PRKCH: variants seen among roughly 807,000 people sequenced by gnomAD.
PRKCH encodes protein kinase C eta, also known as protein kinase C eta type.
Under a neutral mutation model 82.5 loss-of-function variants are expected in PRKCH, and 28 were observed. That is an observed-to-expected ratio of 0.34 (90% confidence interval 0.25 to 0.47). The LOEUF (loss-of-function observed/expected upper bound fraction) is 0.47, where lower values mean the gene tolerates loss of function less well. PRKCH is among the 20% of genes least tolerant of loss of function. PRKCH has a pLI of 1.00. For missense variants in PRKCH, 705 were observed against 881.8 expected, an observed-to-expected ratio of 0.80 and a Z score of 2.54; for synonymous variants, 322 against 327.4, an observed-to-expected ratio of 0.98 and a Z score of 0.18.
intron 1 of PRKCH, chr14:61,327,169 A>G (rs1046173189): frequency 1.5e-5 from 7 of 454,782 alleles, no homozygotes; most frequent in South Asian, 3.1e-5. Context: ...CTTTCTCTCA[A>G]TTTCTCAGTG....
Position 61,242,466 on chromosome 14 carries a change from C to T in PRKCH, c.-19+54798C>T, listed in dbSNP as rs562617676. On this transcript the variant is annotated intron_variant, in intron 1 of 3. Transcript: ENST00000555185. ...AGGCTGGAGTGCAGTGGCACGATCTCAGCTCACCACAACCTCTGCCTCCCA... is the reference window on the plus strand; with the variant it reads ...AGGCTGGAGTGCAGTGGCACGATCTTAGCTCACCACAACCTCTGCCTCCCA... Among the ~76,000 whole-genome samples, 3 of 152,304 alleles carry T rather than the reference C, an allele frequency of 2.0e-5. No individual in the cohort carries two copies. In the South Asian group the frequency reaches 6.2e-4, roughly 32 times the overall value.
intron 2 of PRKCH, among the ~76,000 whole-genome samples, chr14:61,418,604 G>A (rs555359761): frequency 6.6e-6 from 1 of 152,304 alleles, no homozygotes; most frequent in South Asian, 2.1e-4. Flanking sequence ...AGTAGCAGGA[G>A]GCCTTTGTGA....
At chr14:61,249,586 A>T (rs574315876) in intron 1 of PRKCH, among the ~76,000 whole-genome samples, 1 of 150,874 alleles carries the variant, frequency 6.6e-6, no homozygotes, top group Non-Finnish European at 1.5e-5. Flanking sequence ...AGGTATAGAG[A>T]TTACCATTTG....
At chr14:61,509,623 G>A (rs1288577698) in intron 10 of PRKCH, among the ~76,000 whole-genome samples, 3 of 152,154 alleles carry the variant, frequency 2.0e-5, no homozygotes, top group East Asian at 1.9e-4. Flanking sequence ...GGTGGCTCAC[G>A]CCTGTAATCC....
chr14:61,529,363 T>A lies in PRKCH; in HGVS notation c.1572+150T>A, dbSNP rs971221379. 8 of 830,022 alleles carry A rather than the reference T, an allele frequency of 9.6e-6. No individual in the cohort carries two copies. In the East Asian group the frequency reaches 2.6e-4, roughly 27 times the overall value. 51.4% of individuals were successfully genotyped at this position (830,022 alleles called of 1,614,324 possible). On this transcript the variant is annotated intron_variant, in intron 11 of 13. Transcript: ENST00000332981. ...CACCTCTAGACTCATTTATGGCTCA[T>A]TGGGTGAATGATGGCTGAAAATGGC...
At chr14:61,477,706 T>A (rs1366156239) in intron 9 of PRKCH, among the ~76,000 whole-genome samples, 2 of 152,214 alleles carry the variant, frequency 1.3e-5, no homozygotes, top group Non-Finnish European at 2.9e-5. Context: ...GGTTATCAAA[T>A]CTAGTTTTGT....
At chr14:61,391,338 C>T (rs758901566) in intron 2 of PRKCH, 50 bp downstream of exon 2, 10 of 1,429,250 alleles carry the variant, frequency 7.0e-6, no homozygotes, top group South Asian at 3.8e-5. Flanking sequence ...TCTTGGTTTA[C>T]ACTCAGTAGG....
intron 1 of PRKCH, among the ~76,000 whole-genome samples, chr14:61,209,265 A>G (rs1197955308): frequency 4.9e-5 from 7 of 143,518 alleles, no homozygotes; most frequent in African/African-American, 1.8e-4. Flanking sequence ...AGCCTGTGGT[A>G]TTCTGTTACA....
intron 10 of PRKCH, among the ~76,000 whole-genome samples, chr14:61,513,438 A>G (rs1196528163): frequency 2.1e-4 from 32 of 152,122 alleles, no homozygotes; most frequent in Admixed American, 2.0e-3. Flanking sequence ...AGAGACACCA[A>G]ACTTGGCCTA....
chr14:61,205,181 C>G (rs2140041422), intron 1 of PRKCH, among the ~76,000 whole-genome samples: 1 of 152,314 alleles, frequency 6.6e-6, no homozygotes, highest in East Asian at 1.9e-4. Flanking sequence ...GTCCGTGAGC[C>G]TGGAGGTCCT....
intron 9 of PRKCH, among the ~76,000 whole-genome samples, chr14:61,468,872 T>TG (rs1885377911): frequency 6.6e-6 from 1 of 152,162 alleles, no homozygotes; most frequent in Admixed American, 6.5e-5. Flanking sequence ...TGAAAGCTTT[T>TG]GGGGTGATGA....
In PRKCH at chr14:61,453,318, A is replaced by T. The variant is rs1884599392; in HGVS notation, c.925A>T (p.Met309Leu). ...AVELAKTLAG[M>L]GLQPGNISPT... The stretch of plus-strand genomic sequence containing the variant: ...GGAACTTGCCAAGACCCTGGCAGGG[A>T]TGGGTCTCCAACCCGGAAATATTTC... Residue 309 changes from methionine to leucine, a missense_variant, in exon 7 of 14, where the codon ATG becomes TTG. Transcript: ENST00000332981. 6.2e-7 allele frequency: 1 copy of T among 1,613,972 alleles called. No individual in the cohort carries two copies.
chr14:61,486,304 C>T (rs1419590935), intron 10 of PRKCH, among the ~76,000 whole-genome samples: 19 of 151,730 alleles, frequency 1.3e-4, no homozygotes, highest in Non-Finnish European at 1.5e-5. Context: ...GAATTACAGT[C>T]ATGTGGAGCA....
chr14:61,224,982 A>C (rs11851514), intron 1 of PRKCH, among the ~76,000 whole-genome samples: 4,332 of 152,250 alleles, frequency 0.028, 206 homozygotes, highest in African/African-American at 0.099. Context: ...TTGTCAGAAG[A>C]AGTTCATGCA....
chr14:61,332,417 T>G (rs1240804260), intron 1 of PRKCH, among the ~76,000 whole-genome samples: 7 of 152,202 alleles, frequency 4.6e-5, no homozygotes, highest in South Asian at 2.1e-4. Context: ...CATAGGACTT[T>G]TGTAGTAGAA....
At chr14:61,477,827 C>T (rs934549525) in intron 9 of PRKCH, among the ~76,000 whole-genome samples, 11 of 152,226 alleles carry the variant, frequency 7.2e-5, no homozygotes, top group Admixed American at 4.6e-4. Context: ...GGCTAGGACT[C>T]CTTCCACCTC....
intron 12 of PRKCH, among the ~76,000 whole-genome samples, chr14:61,532,054 C>T (rs2043049897): frequency 6.6e-6 from 1 of 152,220 alleles, no homozygotes; most frequent in African/African-American, 2.4e-5. Context: ...CACTTTCCTA[C>T]TTCCATGGCC....
chr14:61,438,151 C>G (rs907672116), intron 2 of PRKCH, among the ~76,000 whole-genome samples: 1 of 152,124 alleles, frequency 6.6e-6, no homozygotes, highest in African/African-American at 2.4e-5. Context: ...CCCAGGGCCA[C>G]CGAGCTTATA....
At position 61,391,225 on chromosome 14, in the gene PRKCH, G is replaced by A; in HGVS notation, c.364G>A (p.Val122Met). 1 of 1,608,288 alleles carries A rather than the reference G, an allele frequency of 6.2e-7. No homozygotes were observed. Among genetic ancestry groups the A allele is most frequent in the Non-Finnish European group, 8.5e-7 (1 of 1,177,274 alleles). Reference sequence around the variant, plus strand: ...TATACATTTTTTTTTCTCTTTGTAGGTGGATCTCGAGCCAGAGGGGAAAGT... The same window carrying A: ...TATACATTTTTTTTTCTCTTTGTAGATGGATCTCGAGCCAGAGGGGAAAGT... ...TGASDTFEGWVDLEPEGKVFV... is the reference protein window; with the variant it reads ...TGASDTFEGWMDLEPEGKVFV... The change falls in exon 2 of 14, where the codon GTG becomes ATG. Residue 122 changes from valine to methionine, a missense_variant and splice_region_variant. This residue lies in a region of PRKCH where 246 missense variants were observed against 308.0 expected (regional missense o/e 0.80). Coordinates refer to ENST00000332981, the MANE Select transcript of PRKCH (RefSeq NM_006255.5).
Sources: allele counts gnomAD v4.1 joint callset (sites outside exome capture counted in the v4.1 genomes callset), GRCh38; gene constraint gnomAD v4.1.1; regional missense constraint gnomAD v4.1.1; transcripts MANE v1.5; gene names NCBI Gene and HGNC (gene_info 2026-07-23, HGNC 2026-07-21).